The following TMIGD3 variants were observed in gnomAD, a reference collection of about 807,000 sequenced individuals.
TMIGD3 encodes the protein transmembrane and immunoglobulin domain containing 3.
Under a neutral mutation model 28.1 loss-of-function variants are expected in TMIGD3, and 21 were observed. The observed-to-expected ratio is 0.75, with a 90% CI of 0.53 to 1.08. TMIGD3 has a LOEUF of 1.08. TMIGD3 is among the 50% of genes least tolerant of loss of function. The pLI is 0.00. For synonymous variants in TMIGD3, 151 were observed against 162.1 expected (o/e 0.93, Z 0.52); for missense variants, 416 against 435.6 (o/e 0.96, Z 0.40).
intron 1 of TMIGD3, among the ~76,000 whole-genome samples, chr1:111,554,899 A>G (rs913623615): frequency 3.3e-5 from 5 of 152,202 alleles, no homozygotes; most frequent in African/African-American, 1.2e-4. Flanking sequence ...ATACACAAGG[A>G]AACAAAATTC....
chr1:111,558,890 T>G (rs1446018772), intron 1 of TMIGD3, among the ~76,000 whole-genome samples: 1 of 152,184 alleles, frequency 6.6e-6, no homozygotes, highest in Non-Finnish European at 1.5e-5. Context: ...ACCATAAGTT[T>G]GATCCAACTG....
chr1:111,536,225 TTTTAAG>T (rs1213947504), intron 1 of TMIGD3, among the ~76,000 whole-genome samples: 1 of 144,058 alleles, frequency 6.9e-6, no homozygotes, highest in Non-Finnish European at 1.5e-5. Context: ...GGGGTTTATT[TTTTAAG>T]TTTTTTTTTT....
At chr1:111,535,233 C>A (rs763949535) in intron 1 of TMIGD3, among the ~76,000 whole-genome samples, 4 of 152,210 alleles carry the variant, frequency 2.6e-5, no homozygotes, top group South Asian at 2.1e-4. Context: ...AATGTATCCA[C>A]CCACCCCACC....
chr1:111,556,044 C>G (rs1249518128), intron 1 of TMIGD3, among the ~76,000 whole-genome samples: 2 of 152,170 alleles, frequency 1.3e-5, no homozygotes, highest in Non-Finnish European at 2.9e-5. Context: ...ATAAAACGCA[C>G]AAGAAACTCC....
At chr1:111,505,445 G>GTT (rs754871056), upstream of TMIGD3, among the ~76,000 whole-genome samples, 2 of 152,210 alleles carry the variant, frequency 1.3e-5, no homozygotes, top group Admixed American at 1.3e-4. Context: ...TACCATGGGG[G>GTT]TTTCTTTTCT....
chr1:111,489,418 G>T, intron 2 of TMIGD3: 1 of 326,226 alleles, frequency 3.1e-6, no homozygotes, highest in Non-Finnish European at 4.8e-6. Flanking sequence ...ACCGAGAGAT[G>T]GCCTCAGAAT....
rs549124055 is a variant in TMIGD3, at chr1:111,509,285, C to T, written c.108-18523G>A. ...TGACCTATCCTTCCCCTCTTGTGAGCTCAGGTCCCACTGGTCAATTTTCCC... is the reference window on the plus strand; with the variant it reads ...TGACCTATCCTTCCCCTCTTGTGAGTTCAGGTCCCACTGGTCAATTTTCCC... On this transcript the variant is annotated intron_variant, in intron 1 of 5. Transcript: ENST00000369717. Among the ~76,000 whole-genome samples the T allele has an allele frequency of 6.2e-4, 95 of 152,322 alleles. 2 individuals are homozygous for T. Among genetic ancestry groups the T allele is most frequent in the African/African-American group, 2.2e-3 (90 of 41,574 alleles).
chr1:111,515,228 A>T (rs1261436712), intron 1 of TMIGD3, among the ~76,000 whole-genome samples: 1 of 152,142 alleles, frequency 6.6e-6, no homozygotes, highest in Non-Finnish European at 1.5e-5. Context: ...CTAACCTGGA[A>T]ATGATTTTCT....
chr1:111,534,134 A>G (rs1019158962), intron 1 of TMIGD3, among the ~76,000 whole-genome samples: 7 of 152,300 alleles, frequency 4.6e-5, no homozygotes, highest in African/African-American at 1.4e-4. Flanking sequence ...ATGCATTTTT[A>G]TCTTCGTTAT....
intron 1 of TMIGD3, among the ~76,000 whole-genome samples, chr1:111,555,993 G>A (rs1253784959): frequency 1.3e-5 from 2 of 152,114 alleles, no homozygotes; most frequent in South Asian, 2.1e-4. Context: ...CAGAATGGGA[G>A]AAAATATTTG....
intron 1 of TMIGD3, among the ~76,000 whole-genome samples, chr1:111,533,620 C>T (rs1656525923): frequency 6.6e-6 from 1 of 152,156 alleles, no homozygotes; most frequent in Non-Finnish European, 1.5e-5. Context: ...ATGGCATGAT[C>T]TAGGCTCACT....
At chr1:111,500,852 G>T (rs968720152) in intron 1 of TMIGD3, 4 of 492,782 alleles carry the variant, frequency 8.1e-6, no homozygotes, top group Non-Finnish European at 1.4e-5. Context: ...CTAGAGTCAA[G>T]TGCTTACGTG....
At chr1:111,502,148 TATATAGGATATATATTTATTATAATAA>T (rs1655232151) in intron 1 of TMIGD3, among the ~76,000 whole-genome samples, 2 of 88,924 alleles carry the variant, frequency 2.2e-5, no homozygotes, top group Non-Finnish European at 4.1e-5. Flanking sequence ...ATATAATAAA[TATATAGGATATATATTTATTATAATAA>T]ATATATAGGA....
At chr1:111,530,882 A>T (rs556625457) in intron 1 of TMIGD3, among the ~76,000 whole-genome samples, 7 of 152,362 alleles carry the variant, frequency 4.6e-5, no homozygotes, top group African/African-American at 1.7e-4. Flanking sequence ...TCAAAGTTGG[A>T]AATTCCTCAA....
intron 1 of TMIGD3, among the ~76,000 whole-genome samples, chr1:111,525,707 A>G (rs1656241145): frequency 6.6e-6 from 1 of 152,170 alleles, no homozygotes; most frequent in Non-Finnish European, 1.5e-5. Flanking sequence ...TACTAAAAAT[A>G]CAAAAAATTA....
chr1:111,493,856 T>C (rs1268208523), intron 1 of TMIGD3, among the ~76,000 whole-genome samples: 1 of 152,176 alleles, frequency 6.6e-6, no homozygotes, highest in Non-Finnish European at 1.5e-5. Context: ...GTAGAGCATA[T>C]TAGAATTTAC....
intron 1 of TMIGD3, chr1:111,499,786 G>GT (rs1655066587): frequency 6.9e-7 from 1 of 1,455,572 alleles, no homozygotes; most frequent in African/African-American, 1.4e-5. Context: ...GAGGAAGAGA[G>GT]TAGTGGAGTG....
At chr1:111,536,617 C>T (rs1448076811) in intron 1 of TMIGD3, among the ~76,000 whole-genome samples, 1 of 152,204 alleles carries the variant, frequency 6.6e-6, no homozygotes, top group Non-Finnish European at 1.5e-5. Context: ...CCCGCGATCC[C>T]TGTCAATGCA....
chr1:111,511,209 AC>A (rs1266065308), intron 1 of TMIGD3, among the ~76,000 whole-genome samples: 1 of 152,228 alleles, frequency 6.6e-6, no homozygotes, highest in African/African-American at 2.4e-5. Flanking sequence ...TATTTACATG[AC>A]TGCTTCTCCC....
Sources: gnomAD v4.1 joint callset for allele counts (sites outside exome capture counted in the v4.1 genomes callset) on GRCh38, gnomAD v4.1.1 for gene constraint, MANE v1.5 for transcripts, NCBI Gene and HGNC (gene_info 2026-07-23, HGNC 2026-07-21) for gene names.